Variants in SH3BGR observed in about 807,000 individuals in gnomAD.
The protein encoded by SH3BGR is SH3 domain binding glutamate rich protein.
A neutral mutation model predicts 24.5 loss-of-function variants in SH3BGR; 29 were observed. The ratio of observed to expected loss-of-function variants is 1.18; its 90% CI spans 0.88 to 1.61. SH3BGR has a LOEUF of 1.61. Among genes scored for constraint, SH3BGR ranks in the 40% most tolerant of loss-of-function variants. SH3BGR has a pLI of 0.00. For missense variants in SH3BGR, 162 were observed against 205.8 expected (o/e 0.79, Z 1.30); for synonymous variants, 55 against 65.7 (o/e 0.84, Z 0.79).
rs369722003 is a variant in SH3BGR at position 39,475,125 on chromosome 21, T to C, written c.232-10T>C. On this transcript the variant is annotated splice_polypyrimidine_tract_variant and intron_variant, in intron 2 of 6. Transcript: ENST00000333634. ...CAGTAGTTTTAAACTTTCTTTTTCTTTGCTTCAAGGATTTTGACTCTTTCT... is the reference window on the plus strand; with the variant it reads ...CAGTAGTTTTAAACTTTCTTTTTCTCTGCTTCAAGGATTTTGACTCTTTCT... 3.2e-6 allele frequency: 5 copies of C among 1,579,088 alleles called. No individual in the cohort carries two copies. Among genetic ancestry groups the C allele is most frequent in the Non-Finnish European group, 4.3e-6 (5 of 1,150,368 alleles).
At chr21:39,459,465 C>T (rs1025308137) in intron 1 of SH3BGR, among the ~76,000 whole-genome samples, 8 of 152,190 alleles carry the variant, frequency 5.3e-5, no homozygotes, top group Admixed American at 1.3e-4. Context: ...CTTTGTGATC[C>T]GTCCACCTTG....
Position 39,511,907 on chromosome 21 carries a change from T to C in SH3BGR, c.*34+98T>C. On this transcript the variant is annotated intron_variant, in intron 6 of 6. Transcript: ENST00000333634. The surrounding 1 kb of genome is among the most constrained non-coding windows in gnomAD (Gnocchi z 4.2). ...AGTAACAGGAGAAAGGGAATTCCAA[T>C]TCAGGGCTGTCTGTCTCCTTCCAAA... The C allele has an allele frequency of 8.9e-7, 1 of 1,129,258 alleles. No individual in the cohort carries two copies. The highest frequency in any genetic ancestry group is 1.2e-6 in the Non-Finnish European group (1 of 823,822). The allele number at this position is 1,129,258 out of a possible 1,614,324, so 70.0% of individuals were successfully genotyped here.
intron 1 of SH3BGR, among the ~76,000 whole-genome samples, chr21:39,457,244 CTTA>C (rs5843966): frequency 3.6e-5 from 5 of 140,578 alleles, no homozygotes; most frequent in South Asian, 2.2e-4. Flanking sequence ...ATATAAAAAT[CTTA>C]TTATATTATA....
intron 4 of SH3BGR, among the ~76,000 whole-genome samples, chr21:39,500,578 G>C (rs2078477553): frequency 6.6e-6 from 1 of 152,092 alleles, no homozygotes; most frequent in African/African-American, 2.4e-5. Context: ...AAATGTGCTG[G>C]GAAACCAGGC....
intron 4 of SH3BGR, among the ~76,000 whole-genome samples, chr21:39,500,970 CTG>C (rs2078484799): frequency 6.6e-6 from 1 of 152,186 alleles, no homozygotes; most frequent in Non-Finnish European, 1.5e-5. Flanking sequence ...TATTACAACT[CTG>C]AAGTTTTTGT....
At chr21:39,497,275 TG>T (rs1224382946) in intron 3 of SH3BGR, among the ~76,000 whole-genome samples, 6 of 151,314 alleles carry the variant, frequency 4.0e-5, no homozygotes, top group African/African-American at 1.2e-4. Flanking sequence ...CTGAATGTAA[TG>T]GGAAATGATG....
At chr21:39,471,938 G>C (rs1367563037) in intron 2 of SH3BGR, among the ~76,000 whole-genome samples, 2 of 151,830 alleles carry the variant, frequency 1.3e-5, no homozygotes, top group African/African-American at 4.8e-5. Context: ...TTCTGTTTTC[G>C]AGTTTCTCTT....
chr21:39,472,914 A>G (rs192264691), intron 2 of SH3BGR, among the ~76,000 whole-genome samples: 283 of 152,214 alleles, frequency 1.9e-3, no homozygotes, highest in Admixed American at 3.1e-3. Context: ...AACTCTCAGC[A>G]TGATCGGTGG....
At chr21:39,490,906 A>T (rs1190459566) in intron 3 of SH3BGR, among the ~76,000 whole-genome samples, 1 of 151,638 alleles carries the variant, frequency 6.6e-6, no homozygotes, top group Non-Finnish European at 1.5e-5. Flanking sequence ...CTGATTTTTA[A>T]ATTTTTTATA....
At chr21:39,465,342 T>C (rs35286554) in intron 2 of SH3BGR, among the ~76,000 whole-genome samples, 50,721 of 152,076 alleles carry the variant, frequency 0.33, 8,863 homozygotes, top group Non-Finnish European at 0.37. Flanking sequence ...TATTGCTGTC[T>C]TGAAATTCTC....
chr21:39,484,983 T>C (rs956983758), intron 3 of SH3BGR, among the ~76,000 whole-genome samples: 1 of 152,230 alleles, frequency 6.6e-6, no homozygotes, highest in Non-Finnish European at 1.5e-5. Context: ...ATGTAGAAAA[T>C]GCATGCTCAT....
At chr21:39,512,360 G>T (rs2123574396) in intron 6 of SH3BGR, among the ~76,000 whole-genome samples, 1 of 152,256 alleles carries the variant, frequency 6.6e-6, no homozygotes, top group Non-Finnish European at 1.5e-5. Context: ...CTATTAACCA[G>T]AACGCTCCTC....
intron 3 of SH3BGR, among the ~76,000 whole-genome samples, chr21:39,494,562 A>G (rs1237262026): frequency 1.3e-5 from 2 of 151,650 alleles, no homozygotes; most frequent in Admixed American, 6.6e-5. Context: ...TCTGATCTCC[A>G]TAGTTTCTGA....
upstream of SH3BGR, among the ~76,000 whole-genome samples, chr21:39,449,215 G>A (rs2077546188): frequency 6.6e-6 from 1 of 152,186 alleles, no homozygotes; most frequent in African/African-American, 2.4e-5. Flanking sequence ...ATGTATGTAA[G>A]GCTGACTCTG....
chr21:39,474,676 G>A (rs568020146), intron 2 of SH3BGR, among the ~76,000 whole-genome samples: 20 of 152,196 alleles, frequency 1.3e-4, no homozygotes, highest in East Asian at 7.7e-4. Context: ...CCATGGTCTT[G>A]TGCCTGTTCG....
chr21:39,496,239 G>A (rs918302790), intron 3 of SH3BGR, among the ~76,000 whole-genome samples: 1 of 151,882 alleles, frequency 6.6e-6, no homozygotes, highest in African/African-American at 2.4e-5. Flanking sequence ...GGTGGCTCAC[G>A]CCTGTAATCC....
intron 3 of SH3BGR, chr21:39,491,643 T>G (rs921312562): frequency 4.4e-6 from 1 of 227,940 alleles, no homozygotes; most frequent in African/African-American, 2.3e-5. Flanking sequence ...GATTCCTCAC[T>G]ACTTTGCTTT....
chr21:39,471,271 T>G (rs1041931630), intron 2 of SH3BGR, among the ~76,000 whole-genome samples: 16 of 152,276 alleles, frequency 1.1e-4, no homozygotes, highest in Non-Finnish European at 2.4e-4. Flanking sequence ...TTGTTATCTT[T>G]CAATAAGTCT....
Position 39,462,512 on chromosome 21 carries a change from T to A in SH3BGR, c.183T>A (p.Asn61Lys), listed in dbSNP as rs755400688. 6.2e-6 allele frequency: 10 copies of A among 1,606,554 alleles called. No homozygotes were observed. In the South Asian group the frequency reaches 1.0e-4, roughly 16 times the overall value. ...ENVPGEKKPQ[N>K]GIPLPPQIFN... is the part of the protein sequence containing the mutation. ...TTCCTGGAGAGAAAAAACCTCAAAA[T>A]GGGATTCCTTTGCCTCCCCAGATCT... is the stretch of plus-strand genomic sequence containing the variant. The change falls in exon 2 of 7, where the codon AAT becomes AAA. Residue 61 changes from asparagine to lysine, a missense_variant. By Grantham distance (94) the Asn-to-Lys change is moderately conservative (BLOSUM62 0). Coordinates refer to ENST00000333634, the MANE Select transcript of SH3BGR (RefSeq NM_007341.3).
Sources: gnomAD v4.1 joint callset for allele counts (sites outside exome capture counted in the v4.1 genomes callset) on GRCh38, gnomAD v4.1.1 for gene constraint, Gnocchi (gnomAD v3.1) non-coding constraint, MANE v1.5 for transcripts, NCBI Gene and HGNC (gene_info 2026-07-23, HGNC 2026-07-21) for gene names.